ELOVL6: variants seen among roughly 807,000 people sequenced by gnomAD.
The protein encoded by ELOVL6 is ELOVL fatty acid elongase 6, also known as very long chain fatty acid elongase 6.
Under a neutral mutation model 31.7 loss-of-function variants are expected in ELOVL6, and 8 were observed. That is an observed-to-expected ratio of 0.25 (90% confidence interval 0.15 to 0.45). ELOVL6 has a LOEUF of 0.45. Ranked by LOEUF, ELOVL6 falls within the 20% of genes least tolerant of loss-of-function variation. The pLI is 1.00. For missense variants in ELOVL6, 126 were observed against 326.4 expected, an observed-to-expected ratio of 0.39 and a Z score of 4.73; for synonymous variants, 101 against 117.7, an observed-to-expected ratio of 0.86 and a Z score of 0.92.
Position 110,198,315 on chromosome 4 carries a change from A to T in ELOVL6, c.21T>A (p.Thr7=), listed in dbSNP as rs1401359613. ...GCTTTTCGAATTCATATTCTTGTAA[A>T]GTCAACACTGACATGTTCATTGGGG... is the stretch of plus-strand genomic sequence containing the variant. MNMSVL[T]LQEYEFEKQF... The change falls in exon 1 of 4, where the codon ACT becomes ACA. Residue 7 remains threonine, a synonymous_variant. Transcript: ENST00000302274. 6.2e-7 allele frequency: 1 copy of T among 1,609,442 alleles called. No homozygotes were observed.
At chr4:110,166,484 C>T (rs72900556) in intron 1 of ELOVL6, among the ~76,000 whole-genome samples, 2,871 of 152,072 alleles carry the variant, frequency 0.019, 79 homozygotes, top group African/African-American at 0.065. Flanking sequence ...TGGTGGTACG[C>T]GCCCTGTAGT....
chr4:110,154,610 A>G (rs62326601), intron 1 of ELOVL6, among the ~76,000 whole-genome samples: 3 of 152,148 alleles, frequency 2.0e-5, no homozygotes, highest in African/African-American at 7.2e-5. Flanking sequence ...TGTGATATTA[A>G]TTTCTTGATG....
chr4:110,155,199 A>G (rs2126266882), intron 1 of ELOVL6, among the ~76,000 whole-genome samples: 1 of 152,260 alleles, frequency 6.6e-6, no homozygotes, highest in Non-Finnish European at 1.5e-5. Context: ...ACACTCACAT[A>G]GACCAAAACT....
chr4:110,121,685 C>G (rs554867467), intron 1 of ELOVL6, among the ~76,000 whole-genome samples: 1 of 152,032 alleles, frequency 6.6e-6, no homozygotes, highest in African/African-American at 2.4e-5. Flanking sequence ...GGCGACAGAT[C>G]GAGACTCTGT....
At chr4:110,091,417 T>C (rs756207797) in intron 2 of ELOVL6, among the ~76,000 whole-genome samples, 2 of 152,220 alleles carry the variant, frequency 1.3e-5, no homozygotes, top group South Asian at 2.1e-4. Context: ...TAGATTTTCT[T>C]CTCCACTATC....
intron 1 of ELOVL6, among the ~76,000 whole-genome samples, chr4:110,148,507 G>A (rs1007722912): frequency 3.3e-5 from 5 of 151,348 alleles, no homozygotes; most frequent in Non-Finnish European, 5.9e-5. Context: ...GAGGGGGGGA[G>A]GTAGGAATGG....
rs887016382 is a variant in ELOVL6 at position 110,162,474 on chromosome 4, G to A, written c.89+35773C>T. Among the ~76,000 whole-genome samples the A allele has an allele frequency of 4.6e-5, 7 of 152,136 alleles. No homozygotes were observed. The South Asian group carries it at 6.2e-4, about 14-fold the overall frequency. ...TGATCCTCCCACCTCAGCCTTCTGA[G>A]TTGTTGAGACTACAGGCACATGCCA... On this transcript the variant is annotated intron_variant, in intron 1 of 3. Transcript: ENST00000302274.
chr4:110,166,801 C>G (rs1230075577), intron 1 of ELOVL6, among the ~76,000 whole-genome samples: 2 of 152,140 alleles, frequency 1.3e-5, no homozygotes, highest in East Asian at 3.9e-4. Flanking sequence ...CTCTCAAAGT[C>G]CCTGCCTTTT....
intron 1 of ELOVL6, among the ~76,000 whole-genome samples, chr4:110,171,724 C>A (rs1320348249): frequency 2.7e-5 from 3 of 112,632 alleles, no homozygotes; most frequent in African/African-American, 1.0e-4. Flanking sequence ...CAGGGTCTCT[C>A]TCTGTGTTGT....
chr4:110,084,045 C>CATAT (rs1560813714), intron 2 of ELOVL6, among the ~76,000 whole-genome samples: 6 of 24,796 alleles, frequency 2.4e-4, no homozygotes, highest in African/African-American at 6.4e-4. Flanking sequence ...GTATATAACA[C>CATAT]ATGCTATATA....
At chr4:110,157,051 G>A (rs769137511) in intron 1 of ELOVL6, among the ~76,000 whole-genome samples, 1 of 152,166 alleles carries the variant, frequency 6.6e-6, no homozygotes, top group Non-Finnish European at 1.5e-5. Flanking sequence ...ATTTTTGGCA[G>A]ATTTGAAAAG....
In ELOVL6 at chr4:110,169,247, T is replaced by TTG. The variant is rs1758872252; in HGVS notation, c.89+28999_89+29000insCA. ...AGTTTTGGGGTTTTTTGTTTTGTTT[T>TTG]TTTTTTTTTGAGACGGAGTCTCGCT... On this transcript the variant is annotated intron_variant, in intron 1 of 3. Transcript: ENST00000302274. 1.3e-5 allele frequency among the ~76,000 whole-genome samples: 2 copies of TTG among 150,174 alleles called. 1 individual carries two copies. The highest frequency in any genetic ancestry group is 3.0e-5 in the Non-Finnish European group (2 of 67,398).
intron 2 of ELOVL6, among the ~76,000 whole-genome samples, chr4:110,069,487 G>A (rs888061499): frequency 6.6e-6 from 1 of 152,082 alleles, no homozygotes; most frequent in African/African-American, 2.4e-5. Context: ...GACTCTGTGC[G>A]AGCACTGCAC....
At chr4:110,179,824 C>T (rs1226971273) in intron 1 of ELOVL6, among the ~76,000 whole-genome samples, 1 of 152,086 alleles carries the variant, frequency 6.6e-6, no homozygotes, top group Non-Finnish European at 1.5e-5. Context: ...ATAAAAGAAC[C>T]TATATTCTTT....
intron 1 of ELOVL6, among the ~76,000 whole-genome samples, chr4:110,177,870 C>G (rs1177931511): frequency 2.0e-5 from 3 of 152,062 alleles, no homozygotes; most frequent in African/African-American, 7.2e-5. Context: ...TTCTTCACAC[C>G]AAACTGATGA....
At chr4:110,155,427 A>G (rs888159704) in intron 1 of ELOVL6, among the ~76,000 whole-genome samples, 1 of 152,200 alleles carries the variant, frequency 6.6e-6, no homozygotes, top group Non-Finnish European at 1.5e-5. Flanking sequence ...TATTTACAAT[A>G]GTCAGAAAAA....
At chr4:110,080,558 C>T (rs1400595821) in intron 2 of ELOVL6, among the ~76,000 whole-genome samples, 3 of 152,198 alleles carry the variant, frequency 2.0e-5, no homozygotes, top group Non-Finnish European at 2.9e-5. Flanking sequence ...ATGCTAAAAA[C>T]TCTCAATAGA....
intron 1 of ELOVL6, among the ~76,000 whole-genome samples, chr4:110,133,342 A>G (rs912469899): frequency 6.6e-6 from 1 of 152,230 alleles, no homozygotes; most frequent in African/African-American, 2.4e-5. Context: ...CCTGCATGCC[A>G]GGTGTTAGGC....
At chr4:110,077,391 C>G (rs1321061346) in intron 2 of ELOVL6, among the ~76,000 whole-genome samples, 1 of 152,168 alleles carries the variant, frequency 6.6e-6, no homozygotes, top group Non-Finnish European at 1.5e-5. Context: ...TGAGATAAAA[C>G]TTCCAGAGGA....
Sources: gnomAD v4.1 joint callset for allele counts (sites outside exome capture counted in the v4.1 genomes callset) on GRCh38, gnomAD v4.1.1 for gene constraint, MANE v1.5 for transcripts, NCBI Gene and HGNC (gene_info 2026-07-23, HGNC 2026-07-21) for gene names.